The following DLGAP2 variants were observed in gnomAD, a reference collection of about 807,000 sequenced individuals.
DLGAP2 encodes disks large-associated protein 2.
In DLGAP2, 26 loss-of-function variants were observed where a neutral mutation model predicts 100.3. That is an observed-to-expected ratio of 0.26 (90% CI 0.19 to 0.36). DLGAP2 has a LOEUF of 0.36. DLGAP2 is among the 10% of genes least tolerant of loss of function. The pLI is 1.00. For missense variants in DLGAP2, 1,858 were observed against 1,453.2 expected (o/e 1.28, Z -4.53); for synonymous variants, 886 against 630.1 (o/e 1.41, Z -6.08).
intron 2 of DLGAP2, among the ~76,000 whole-genome samples, chr8:1,073,272 G>C (rs1803490495): frequency 6.6e-6 from 1 of 152,004 alleles, no homozygotes; most frequent in South Asian, 2.1e-4. Flanking sequence ...CAGCTCTAAA[G>C]AATAAAATTG....
In DLGAP2 at chr8:1,707,220, G is replaced by GGAGGA. The variant is rs1490734488; in HGVS notation, c.*5819_*5823dup. 1 of 152,592 alleles carries GGAGGA rather than the reference G, an allele frequency of 6.6e-6. No individual in the cohort carries two copies. The highest frequency in any genetic ancestry group is 1.5e-5 in the Non-Finnish European group (1 of 68,034). The allele number at this position is 152,592 out of a possible 1,614,324, so 9.5% of individuals were successfully genotyped here. On this transcript the variant is annotated 3_prime_UTR_variant, in exon 15 of 15. Coordinates refer to ENST00000637795, the MANE Select transcript of DLGAP2 (RefSeq NM_001346810.2). ...GCATCCAAGCTTTCACCTACTCAAT[G>GGAGGA]GAGGAGAGGTGATAATGAATGAAAA...
intron 2 of DLGAP2, among the ~76,000 whole-genome samples, chr8:1,081,336 A>G (rs1453551014): frequency 1.3e-5 from 2 of 152,226 alleles, no homozygotes; most frequent in Non-Finnish European, 2.9e-5. Flanking sequence ...TAATAATAAG[A>G]TACATAAGAA....
chr8:1,267,116 C>T (rs1485095212), intron 3 of DLGAP2, among the ~76,000 whole-genome samples: 1 of 151,770 alleles, frequency 6.6e-6, no homozygotes, highest in African/African-American at 2.4e-5. Flanking sequence ...CCTGTAGTCC[C>T]AGCTACCCCT....
chr8:1,024,083 G>A (rs552438945), intron 2 of DLGAP2, among the ~76,000 whole-genome samples: 55 of 152,064 alleles, frequency 3.6e-4, no homozygotes, highest in Admixed American at 2.0e-3. Flanking sequence ...CCTGCAGGAC[G>A]AGGCCTCCGG....
chr8:1,321,385 G>T (rs555386590), intron 3 of DLGAP2, among the ~76,000 whole-genome samples: 9 of 151,248 alleles, frequency 6.0e-5, no homozygotes, highest in African/African-American at 2.2e-4. Flanking sequence ...ATGTGTATCC[G>T]TGTGTCTCTG....
At chr8:1,289,705 C>G (rs10098870) in intron 3 of DLGAP2, among the ~76,000 whole-genome samples, 2 of 151,950 alleles carry the variant, frequency 1.3e-5, no homozygotes, top group African/African-American at 4.8e-5. Context: ...GAAGTACCCC[C>G]CCGAGGCTAA....
chr8:1,642,741 C>T (rs367631811), intron 8 of DLGAP2, among the ~76,000 whole-genome samples: 2 of 22,644 alleles, frequency 8.8e-5, no homozygotes, highest in East Asian at 2.0e-3. Context: ...GTGTCACCCT[C>T]GAACCCGCCG....
chr8:1,534,019 G>A (rs1205953981), intron 4 of DLGAP2, among the ~76,000 whole-genome samples: 4 of 152,172 alleles, frequency 2.6e-5, no homozygotes, highest in African/African-American at 9.7e-5. Flanking sequence ...ATTATTAAAA[G>A]TCAAATGTTT....
At chr8:1,121,377 A>C (rs1347076854) in intron 2 of DLGAP2, among the ~76,000 whole-genome samples, 1 of 143,696 alleles carries the variant, frequency 7.0e-6, no homozygotes, top group South Asian at 2.3e-4. Context: ...TGCCATCCTT[A>C]TCCCTTTAGA....
chr8:1,660,096 CTTAT>C (rs1798375761), intron 8 of DLGAP2, among the ~76,000 whole-genome samples: 1 of 152,080 alleles, frequency 6.6e-6, no homozygotes. Context: ...TTCTCCTTCA[CTTAT>C]TTAGTTTGTT....
chr8:1,249,817 A>G lies in DLGAP2; in HGVS notation c.74-9034A>G, dbSNP rs115820326. Among the ~76,000 whole-genome samples, 1,343 of 152,286 alleles carry G rather than the reference A, an allele frequency of 8.8e-3. 23 individuals are homozygous for G. Among genetic ancestry groups the G allele is most frequent in the African/African-American group, 0.031 (1,270 of 41,556 alleles). On this transcript the variant is annotated intron_variant, in intron 2 of 14. Transcript: ENST00000637795. ...GGTGCACATCCGTTAGGCAGTGAGC[A>G]CATATTTGGGTTGAATAATACTGAG...
chr8:1,339,904 T>C (rs1801379891), intron 3 of DLGAP2, among the ~76,000 whole-genome samples: 1 of 152,200 alleles, frequency 6.6e-6, no homozygotes, highest in Non-Finnish European at 1.5e-5. Context: ...AAAGACAAAA[T>C]ATGTGTATAT....
intron 2 of DLGAP2, among the ~76,000 whole-genome samples, chr8:962,714 G>A (rs899797679): frequency 3.3e-5 from 5 of 152,200 alleles, no homozygotes; most frequent in Admixed American, 3.3e-4. Flanking sequence ...CCTCCCTGGA[G>A]ACATGATGTG....
At chr8:1,495,549 C>T (rs762776364) in intron 3 of DLGAP2, among the ~76,000 whole-genome samples, 1 of 152,184 alleles carries the variant, frequency 6.6e-6, no homozygotes, top group South Asian at 2.1e-4. Context: ...CCGGCGAGGT[C>T]GGTGTGCTGA....
intron 3 of DLGAP2, among the ~76,000 whole-genome samples, chr8:1,303,378 CAG>C (rs1800408491): frequency 7.5e-6 from 1 of 133,910 alleles, no homozygotes; most frequent in Non-Finnish European, 1.5e-5. Context: ...GCCTGGGCGA[CAG>C]AGCGAGACTC....
chr8:1,457,774 C>T (rs916527357), intron 3 of DLGAP2, among the ~76,000 whole-genome samples: 50 of 151,942 alleles, frequency 3.3e-4, no homozygotes, highest in Non-Finnish European at 5.3e-4. Flanking sequence ...CAGAAGGTTG[C>T]CCTTCCTCCC....
chr8:1,097,406 C>T (rs1275078787), intron 2 of DLGAP2, among the ~76,000 whole-genome samples: 7 of 127,408 alleles, frequency 5.5e-5, no homozygotes, highest in African/African-American at 9.2e-5. Flanking sequence ...CCTTCACCCT[C>T]TGTGGCATGG....
intron 10 of DLGAP2, 45 bp from the exon 11 acceptor site, chr8:1,676,488 G>A: frequency 6.4e-7 from 1 of 1,574,798 alleles, no homozygotes. Context: ...CCTTGCCCAG[G>A]CCCCATGTTT....
intron 12 of DLGAP2, among the ~76,000 whole-genome samples, chr8:1,682,538 G>A (rs1005708472): frequency 2.0e-5 from 3 of 151,416 alleles, no homozygotes; most frequent in South Asian, 2.1e-4. Context: ...GCAATGGCAC[G>A]ATCTCAGCTC....
Sources: gnomAD v4.1 joint callset for allele counts (sites outside exome capture counted in the v4.1 genomes callset) on GRCh38, gnomAD v4.1.1 for gene constraint, MANE v1.5 for transcripts, NCBI Gene and HGNC (gene_info 2026-07-23, HGNC 2026-07-21) for gene names.